Variants in C2orf76 observed in about 807,000 individuals in gnomAD.
The protein encoded by C2orf76 is UPF0538 protein C2orf76.
Under a neutral mutation model 16.9 loss-of-function variants are expected in C2orf76, and 23 were observed. The observed-to-expected ratio is 1.36, with a 90% CI of 0.98 to 1.93. The LOEUF is 1.93. C2orf76 is among the 30% of genes most tolerant of loss of function. The pLI is 0.00. For missense variants in C2orf76, 152 were observed against 152.6 expected, an observed-to-expected ratio of 1.00 and a Z score of 0.02; for synonymous variants, 48 against 52.3, an observed-to-expected ratio of 0.92 and a Z score of 0.35.
intron 3 of C2orf76, among the ~76,000 whole-genome samples, chr2:119,318,396 T>C (rs1679243876): frequency 1.3e-5 from 2 of 152,200 alleles, no homozygotes; most frequent in African/African-American, 4.8e-5. Flanking sequence ...TGACAGGAAA[T>C]GAAAGGATCT....
At chr2:119,298,987 C>T (rs564300880), downstream of C2orf76, among the ~76,000 whole-genome samples, 2 of 152,276 alleles carry the variant, frequency 1.3e-5, no homozygotes, top group South Asian at 4.2e-4. Flanking sequence ...GCAATCACAG[C>T]TCACTGCAGC....
intron 5 of C2orf76, among the ~76,000 whole-genome samples, chr2:119,307,675 G>A (rs1678836174): frequency 1.3e-5 from 2 of 152,084 alleles, no homozygotes; most frequent in Admixed American, 1.3e-4. Context: ...GGAGTTCGGA[G>A]GGCAGTTTGG....
intron 4 of C2orf76, among the ~76,000 whole-genome samples, chr2:119,316,083 T>C (rs1484405685): frequency 2.0e-5 from 3 of 152,224 alleles, no homozygotes; most frequent in Non-Finnish European, 4.4e-5. Context: ...AGCGTATTGT[T>C]TTATTTTAAC....
At chr2:119,306,431 C>A (rs985779556) in intron 5 of C2orf76, among the ~76,000 whole-genome samples, 2 of 152,116 alleles carry the variant, frequency 1.3e-5, no homozygotes, top group East Asian at 1.9e-4. Flanking sequence ...ATTACAGGAC[C>A]TGGCTTGCCG....
intron 1 of C2orf76, among the ~76,000 whole-genome samples, chr2:119,342,045 C>A (rs914905596): frequency 6.6e-6 from 1 of 152,012 alleles, no homozygotes; most frequent in African/African-American, 2.4e-5. Context: ...CAAGGAGGAA[C>A]CATAAAATAA....
At chr2:119,314,014 GTT>G (rs368623211) in intron 4 of C2orf76, among the ~76,000 whole-genome samples, 9 of 86,138 alleles carry the variant, frequency 1.0e-4, no homozygotes, top group African/African-American at 1.5e-4. Context: ...TTTCTCAGTG[GTT>G]TTTTTTTTTT....
the C2orf76 span, among the ~76,000 whole-genome samples, chr2:119,288,268 T>C: frequency 6.6e-6 from 1 of 151,522 alleles, no homozygotes; most frequent in Non-Finnish European, 1.5e-5. Flanking sequence ...GCCATTCTCC[T>C]GCCTCAGCCT....
Position 119,357,966 on chromosome 2 carries a change from TAAATAC to T in C2orf76, c.-13+8818_-13+8823del, listed in dbSNP as rs561828381. On this transcript the variant is annotated intron_variant, in intron 1 of 5. Coordinates refer to ENST00000334816, the MANE Select transcript of C2orf76 (RefSeq NM_001322331.2). Reference sequence around the variant, plus strand: ...AACACATGGAACACAATATACAATATAAATACAAATACAAAATACAATAACATTCAC... The same window carrying T: ...AACACATGGAACACAATATACAATATAAATACAAAATACAATAACATTCAC... Among the ~76,000 whole-genome samples the T allele has an allele frequency of 2.7e-3, 416 of 152,242 alleles. 2 individuals carry two copies. Among genetic ancestry groups the T allele is most frequent in the African/African-American group, 9.6e-3 (397 of 41,546 alleles).
Position 119,302,467 on chromosome 2 carries a change from T to G in C2orf76, c.*5A>C. ...GTATGCAAAAAGGAAGCCCTCGAGA[T>G]GTTTTCACCAGGATGAAATGGGATT... On this transcript the variant is annotated 3_prime_UTR_variant, in exon 6 of 6. Coordinates refer to ENST00000334816, the MANE Select transcript of C2orf76 (RefSeq NM_001322331.2). 8.2e-7 allele frequency: 1 copy of G among 1,216,228 alleles called. No homozygotes were observed. The highest frequency in any genetic ancestry group is 1.5e-5 in the South Asian group (1 of 68,174). The allele number at this position is 1,216,228 out of a possible 1,614,324, so 75.3% of individuals were successfully genotyped here.
the C2orf76 span, among the ~76,000 whole-genome samples, chr2:119,282,822 T>C: frequency 6.6e-6 from 1 of 152,196 alleles, no homozygotes; most frequent in Non-Finnish European, 1.5e-5. Flanking sequence ...AATGTCATAA[T>C]ACTGAGGAGT....
chr2:119,290,031 T>C, the C2orf76 span, among the ~76,000 whole-genome samples: 2 of 151,974 alleles, frequency 1.3e-5, no homozygotes, highest in Non-Finnish European at 2.9e-5. Context: ...TAATTATGTG[T>C]GAGAACATTC....
intron 1 of C2orf76, among the ~76,000 whole-genome samples, chr2:119,349,650 G>A (rs1478990198): frequency 6.6e-6 from 1 of 151,902 alleles, no homozygotes; most frequent in Non-Finnish European, 1.5e-5. Context: ...AAATCCCTCC[G>A]CCCCTCACCC....
intron 1 of C2orf76, among the ~76,000 whole-genome samples, chr2:119,357,490 A>G (rs10207114): frequency 0.064 from 9,714 of 152,128 alleles, 587 homozygotes; most frequent in African/African-American, 0.16. Context: ...AAGGCACCTG[A>G]CAAACTTCAA....
chr2:119,307,439 A>T (rs1482375009), intron 5 of C2orf76, among the ~76,000 whole-genome samples: 6 of 54,784 alleles, frequency 1.1e-4, no homozygotes, highest in South Asian at 4.6e-4. Context: ...ACTCTGTCTT[A>T]AAAAAAAAAA....
At chr2:119,332,325 C>A (rs746848200) in intron 2 of C2orf76, among the ~76,000 whole-genome samples, 1 of 151,828 alleles carries the variant, frequency 6.6e-6, no homozygotes, top group Non-Finnish European at 1.5e-5. Flanking sequence ...TCTATATGGA[C>A]AAAGAATACC....
rs35476748 is a variant in C2orf76 at position 119,332,283 on chromosome 2, G to GAA, written c.133+7542_133+7543dup. Among the ~76,000 whole-genome samples the GAA allele has an allele frequency of 7.3e-5, 11 of 149,660 alleles. No individual in the cohort carries two copies. The East Asian group carries it at 1.2e-3, about 16-fold the overall frequency. ...TTTGAGAAAGCATAAACACCTAAAGGAAAAAAAAAATAAAACTAAGCCAAT... is the reference window on the plus strand; with the variant it reads ...TTTGAGAAAGCATAAACACCTAAAGGAAAAAAAAAAAATAAAACTAAGCCAAT... On this transcript the variant is annotated intron_variant, in intron 2 of 5. Transcript: ENST00000334816.
intron 1 of C2orf76, among the ~76,000 whole-genome samples, chr2:119,366,168 G>T (rs1303852010): frequency 6.6e-6 from 1 of 151,998 alleles, no homozygotes; most frequent in South Asian, 2.1e-4. Context: ...GTCCCTACTT[G>T]TAAGTTCCAA....
downstream of C2orf76, among the ~76,000 whole-genome samples, chr2:119,299,130 C>T (rs1006139057): frequency 2.0e-5 from 3 of 151,904 alleles, no homozygotes; most frequent in Non-Finnish European, 4.4e-5. Context: ...GTTGCCCAGG[C>T]TGGTCTCGAA....
intron 1 of C2orf76, among the ~76,000 whole-genome samples, chr2:119,349,019 T>C (rs1206098467): frequency 6.6e-6 from 1 of 152,098 alleles, no homozygotes; most frequent in East Asian, 1.9e-4. Flanking sequence ...AATTAGAAAA[T>C]TGCCTGTGTA....
Sources: gnomAD v4.1 joint callset for allele counts (sites outside exome capture counted in the v4.1 genomes callset) on GRCh38, gnomAD v4.1.1 for gene constraint, MANE v1.5 for transcripts, NCBI Gene and HGNC (gene_info 2026-07-23, HGNC 2026-07-21) for gene names.